Variants in GRID2 observed in about 807,000 individuals in gnomAD.
The protein encoded by GRID2 is glutamate ionotropic receptor delta type subunit 2.
Under a neutral mutation model 114.8 loss-of-function variants are expected in GRID2, and 33 were observed. The observed-to-expected ratio is 0.29, with a 90% confidence interval of 0.22 to 0.38. The LOEUF (loss-of-function observed/expected upper bound fraction) is 0.38, where lower values mean the gene tolerates loss of function less well. Ranked by LOEUF, GRID2 falls within the 10% of genes least tolerant of loss-of-function variation. The pLI is 1.00. For missense variants in GRID2, 1,184 were observed against 1,257.7 expected, an observed-to-expected ratio of 0.94 and a Z score of 0.89; for synonymous variants, 505 against 449.9, an observed-to-expected ratio of 1.12 and a Z score of -1.55.
At chr4:93,243,765 T>C (rs574372987) in intron 8 of GRID2, among the ~76,000 whole-genome samples, 295 of 152,226 alleles carry the variant, frequency 1.9e-3, no homozygotes, top group Middle Eastern at 6.8e-3. Flanking sequence ...CTTTCTTACT[T>C]TGATAATTTT....
chr4:92,527,589 T>G (rs1725107606), intron 1 of GRID2, among the ~76,000 whole-genome samples: 1 of 152,040 alleles, frequency 6.6e-6, no homozygotes, highest in Non-Finnish European at 1.5e-5. Context: ...CCAAATACAT[T>G]TACAACAGAG....
intron 2 of GRID2, among the ~76,000 whole-genome samples, chr4:92,887,644 T>G (rs746881021): frequency 6.6e-6 from 1 of 152,232 alleles, no homozygotes; most frequent in South Asian, 2.1e-4. Flanking sequence ...CCAGGTCTAC[T>G]GCAAAGTAGA....
chr4:93,269,213 T>A, intron 8 of GRID2, among the ~76,000 whole-genome samples: 1 of 152,164 alleles, frequency 6.6e-6, no homozygotes, highest in Non-Finnish European at 1.5e-5. Flanking sequence ...CACATTAAAA[T>A]CACCTGGGAA....
At chr4:93,693,668 A>G (rs2110120367) in intron 14 of GRID2, among the ~76,000 whole-genome samples, 1 of 152,264 alleles carries the variant, frequency 6.6e-6, no homozygotes, top group African/African-American at 2.4e-5. Flanking sequence ...GCTGTGGTAA[A>G]TTATTATTAA....
chr4:92,526,426 C>A (rs1725047692), intron 1 of GRID2, among the ~76,000 whole-genome samples: 1 of 152,098 alleles, frequency 6.6e-6, no homozygotes, highest in African/African-American at 2.4e-5. Flanking sequence ...TCACTGCAAC[C>A]TCCACCTCCC....
chr4:93,677,538 G>C (rs1725019858), intron 14 of GRID2, among the ~76,000 whole-genome samples: 1 of 152,096 alleles, frequency 6.6e-6, no homozygotes, highest in East Asian at 1.9e-4. Context: ...CCCCAGTAGG[G>C]GCAGACTGAC....
At chr4:93,509,380 A>T (rs1728949784) in intron 12 of GRID2, among the ~76,000 whole-genome samples, 1 of 152,198 alleles carries the variant, frequency 6.6e-6, no homozygotes, top group Non-Finnish European at 1.5e-5. Context: ...GCTGAGAATG[A>T]ATCTAATTGA....
chr4:93,038,743 A>G (rs1019195738), intron 2 of GRID2, among the ~76,000 whole-genome samples: 9 of 152,100 alleles, frequency 5.9e-5, no homozygotes, highest in African/African-American at 2.2e-4. Context: ...GTGAGCTGAG[A>G]TTGTGCCACT....
chr4:93,724,106 G>A lies in GRID2; in HGVS notation c.2361-45104G>A, dbSNP rs569728000. Among the ~76,000 whole-genome samples the A allele has an allele frequency of 7.2e-5, 11 of 152,252 alleles. No homozygotes were observed. In the South Asian group the frequency reaches 1.0e-3, roughly 14 times the overall value. ...GACATTAAACATATTTAAAAGACACGAAATGAGTCCTACAGAAGTTTGGCT... is the reference window on the plus strand; with the variant it reads ...GACATTAAACATATTTAAAAGACACAAAATGAGTCCTACAGAAGTTTGGCT... On this transcript the variant is annotated intron_variant, in intron 14 of 15. Transcript: ENST00000282020.
intron 2 of GRID2, among the ~76,000 whole-genome samples, chr4:92,611,576 G>T (rs1001853739): frequency 5.3e-5 from 8 of 151,484 alleles, no homozygotes; most frequent in African/African-American, 1.9e-4. Context: ...TCTTACTAGG[G>T]TAGATATTTA....
intron 1 of GRID2, among the ~76,000 whole-genome samples, chr4:92,579,894 A>G (rs1728091668): frequency 6.7e-6 from 1 of 148,718 alleles, no homozygotes; most frequent in African/African-American, 2.4e-5. Context: ...CAGATCTTAA[A>G]AGATGAAACT....
intron 1 of GRID2, among the ~76,000 whole-genome samples, chr4:92,448,532 G>GTAAC (rs1456632388): frequency 6.6e-6 from 1 of 151,946 alleles, no homozygotes. Flanking sequence ...TACAAATTAA[G>GTAAC]TAACTAGCCC....
intron 8 of GRID2, among the ~76,000 whole-genome samples, chr4:93,367,279 T>C (rs1037587700): frequency 4.0e-5 from 6 of 151,624 alleles, no homozygotes; most frequent in African/African-American, 1.2e-4. Flanking sequence ...CAGCTAGTTT[T>C]AAGTCTCAGA....
intron 2 of GRID2, among the ~76,000 whole-genome samples, chr4:92,803,011 A>G (rs1420774109): frequency 6.6e-6 from 1 of 151,986 alleles, no homozygotes; most frequent in South Asian, 2.1e-4. Context: ...GGATAGAACT[A>G]TTTATTGCTG....
At chr4:92,483,113 G>A (rs71599242) in intron 1 of GRID2, among the ~76,000 whole-genome samples, 3 of 152,140 alleles carry the variant, frequency 2.0e-5, no homozygotes, top group African/African-American at 7.2e-5. Flanking sequence ...GCTGAGGTGG[G>A]CGGATCACAA....
chr4:93,275,323 A>G (rs1408005655), intron 8 of GRID2, among the ~76,000 whole-genome samples: 3 of 151,878 alleles, frequency 2.0e-5, no homozygotes, highest in Non-Finnish European at 4.4e-5. Flanking sequence ...TTAATTAATA[A>G]ACATTTCAGT....
At chr4:92,546,080 G>T (rs1226356462) in intron 1 of GRID2, among the ~76,000 whole-genome samples, 1 of 152,110 alleles carries the variant, frequency 6.6e-6, no homozygotes, top group Non-Finnish European at 1.5e-5. Flanking sequence ...ATCACAATCT[G>T]CCTGTTCAGG....
chr4:93,136,789 G>C (rs1012244697), intron 4 of GRID2, among the ~76,000 whole-genome samples: 2 of 152,064 alleles, frequency 1.3e-5, no homozygotes, highest in Non-Finnish European at 2.9e-5. Context: ...TGTGATTTAA[G>C]GTGATTCCAC....
chr4:92,984,232 A>G (rs1754376634), intron 2 of GRID2, among the ~76,000 whole-genome samples: 2 of 152,300 alleles, frequency 1.3e-5, no homozygotes, highest in East Asian at 3.9e-4. Context: ...AACTCATACT[A>G]TTCCTCTACT....
Sources: allele counts gnomAD v4.1 joint callset (sites outside exome capture counted in the v4.1 genomes callset), GRCh38; gene constraint gnomAD v4.1.1; transcripts MANE v1.5; gene names NCBI Gene and HGNC (gene_info 2026-07-23, HGNC 2026-07-21).